Variants in UBAP2 observed in about 807,000 individuals in gnomAD.
The protein encoded by UBAP2 is ubiquitin associated protein 2, also known as ubiquitin-associated protein 2.
Under a neutral mutation model 139.6 loss-of-function variants are expected in UBAP2, and 75 were observed. The ratio of observed to expected loss-of-function variants is 0.54; its 90% CI spans 0.45 to 0.65. The LOEUF is 0.65. Among genes scored for constraint, UBAP2 ranks in the 30% least tolerant of loss-of-function variants. UBAP2 has a pLI of 0.00. For synonymous variants in UBAP2, 526 were observed against 526.2 expected, an observed-to-expected ratio of 1.00 and a Z score of 0.01; for missense variants, 1,368 against 1,369.6, an observed-to-expected ratio of 1.00 and a Z score of 0.02.
intron 4 of UBAP2, among the ~76,000 whole-genome samples, chr9:33,992,739 T>A (rs1329189184): frequency 1.3e-5 from 2 of 152,090 alleles, no homozygotes; most frequent in East Asian, 3.8e-4. Context: ...AAGATTACTG[T>A]GTATTTTGCT....
intron 1 of UBAP2, among the ~76,000 whole-genome samples, chr9:34,025,344 T>C (rs935567232): frequency 6.6e-6 from 1 of 152,172 alleles, no homozygotes; most frequent in African/African-American, 2.4e-5. Flanking sequence ...ATTCTCAGAA[T>C]AGAAACAGAC....
rs998264566 is a variant in UBAP2 at position 33,990,742 on chromosome 9, A to G, written c.289-1616T>C. Among the ~76,000 whole-genome samples, 3 of 150,836 alleles carry G rather than the reference A, an allele frequency of 2.0e-5. No individual in the cohort carries two copies. In the Admixed American group the frequency reaches 2.0e-4, roughly 10 times the overall value. On this transcript the variant is annotated intron_variant, in intron 4 of 28. Transcript: ENST00000379238. ...CCTGCATCTCCTGGGTTCAAGTGAT[A>G]ACTCCTGTCTCAGCCTCCCGAGTAG...
intron 4 of UBAP2, among the ~76,000 whole-genome samples, chr9:33,991,765 C>T (rs1821729654): frequency 6.6e-6 from 1 of 152,096 alleles, no homozygotes; most frequent in Non-Finnish European, 1.5e-5. Flanking sequence ...AAACAGAATC[C>T]AGTCCTCTTA....
At chr9:34,016,897 T>C (rs928425198) in intron 2 of UBAP2, among the ~76,000 whole-genome samples, 153 bp downstream of exon 2, 1 of 151,934 alleles carries the variant, frequency 6.6e-6, no homozygotes, top group Non-Finnish European at 1.5e-5. Context: ...AATCCTAAAG[T>C]TTCCTACAAA....
chr9:34,049,020 T>C (rs1029411330), upstream of UBAP2: 1 of 152,242 alleles, frequency 6.6e-6, no homozygotes, highest in Non-Finnish European at 1.5e-5. Flanking sequence ...GCGCGGCCTC[T>C]TCCAGCCACC....
At position 33,933,646 on chromosome 9, in the gene UBAP2, G is replaced by C. The variant is rs375638621; in HGVS notation, c.1970-18C>G. The stretch of plus-strand genomic sequence containing the variant: ...CTTTGGAGCTGGAACAGATGAAGTA[G>C]CTGTAAGAAGCAGATCTGTTTATTT... On this transcript the variant is annotated intron_variant, in intron 17 of 28. Coordinates refer to ENST00000379238, the MANE Select transcript of UBAP2 (RefSeq NM_001370062.2). The C allele has an allele frequency of 1.9e-5, 30 of 1,612,746 alleles. No individual in the cohort carries two copies. Among genetic ancestry groups the C allele is most frequent in the African/African-American group, 6.7e-5 (5 of 74,838 alleles).
chr9:34,044,602 C>T (rs149655708), intron 1 of UBAP2, among the ~76,000 whole-genome samples: 19 of 152,112 alleles, frequency 1.2e-4, no homozygotes, highest in African/African-American at 3.9e-4. Flanking sequence ...TGGTGGCTCA[C>T]GCAAGTAATC....
chr9:33,965,992 G>A (rs891282514), intron 8 of UBAP2, among the ~76,000 whole-genome samples: 1 of 151,060 alleles, frequency 6.6e-6, no homozygotes, highest in East Asian at 2.0e-4. Flanking sequence ...AGAGCCTGCA[G>A]TGAGCAGAGA....
intron 16 of UBAP2, among the ~76,000 whole-genome samples, chr9:33,940,164 G>C (rs146790633): frequency 6.6e-6 from 1 of 152,210 alleles, no homozygotes; most frequent in African/African-American, 2.4e-5. Flanking sequence ...ATGCATGCAG[G>C]CAGATTTAAT....
At position 33,923,148 on chromosome 9, in the gene UBAP2, C is replaced by T. The variant is rs770951441; in HGVS notation, c.3004+38G>A. 3.7e-6 allele frequency: 6 copies of T among 1,611,076 alleles called. No individual in the cohort carries two copies. In the African/African-American group the frequency reaches 8.0e-5, roughly 22 times the overall value. On this transcript the variant is annotated intron_variant, in intron 26 of 28. Coordinates refer to ENST00000379238, the MANE Select transcript of UBAP2 (RefSeq NM_001370062.2). ...GAGGGGATCAGGCAGGAGCCCACCA[C>T]TCCAGGCCTTATCCTGGAAAGGAGA... is the stretch of plus-strand genomic sequence containing the variant.
At chr9:34,003,508 C>T (rs1202517216) in intron 2 of UBAP2, among the ~76,000 whole-genome samples, 1 of 151,280 alleles carries the variant, frequency 6.6e-6, no homozygotes, top group Admixed American at 6.6e-5. Context: ...CAGGTTCAAG[C>T]GATTCTCCAG....
At chr9:33,940,008 AGAG>A (rs1166119998) in intron 16 of UBAP2, among the ~76,000 whole-genome samples, 4 of 82,846 alleles carry the variant, frequency 4.8e-5, no homozygotes, top group African/African-American at 2.0e-4. Context: ...AGGAGGGGAA[AGAG>A]GAGGGGGAGG....
intron 12 of UBAP2, 42 bp downstream of exon 12, chr9:33,953,243 G>T (rs761325713): frequency 8.4e-6 from 13 of 1,540,784 alleles, no homozygotes; most frequent in Non-Finnish European, 9.8e-6. Context: ...TTGCTAATGG[G>T]TATATTTCTT....
At chr9:33,992,934 G>A (rs1440651969) in intron 4 of UBAP2, among the ~76,000 whole-genome samples, 2 of 152,232 alleles carry the variant, frequency 1.3e-5, no homozygotes, top group Non-Finnish European at 1.5e-5. Context: ...AGCAGTCTTC[G>A]AAGCCAGCTA....
rs143662986 is a variant in UBAP2 at position 33,951,100 on chromosome 9, G to A, written c.1056+2185C>T. On this transcript the variant is annotated intron_variant, in intron 12 of 28. Coordinates refer to ENST00000379238, the MANE Select transcript of UBAP2 (RefSeq NM_001370062.2). ...CTGGAGGGCCACAGAACAACCTCCTGGGCTCAAGTGATCCTCCCATGCCAG... is the reference window on the plus strand; with the variant it reads ...CTGGAGGGCCACAGAACAACCTCCTAGGCTCAAGTGATCCTCCCATGCCAG... Among the ~76,000 whole-genome samples the A allele has an allele frequency of 2.1e-3, 322 of 152,058 alleles. 1 individual carries two copies. Among genetic ancestry groups the A allele is most frequent in the Non-Finnish European group, 3.8e-3 (257 of 67,978 alleles).
At chr9:34,043,735 C>T (rs939240858) in intron 1 of UBAP2, among the ~76,000 whole-genome samples, 2 of 151,876 alleles carry the variant, frequency 1.3e-5, no homozygotes, top group African/African-American at 2.4e-5. Context: ...CTCAAGAAAT[C>T]CTTCCACCTC....
intron 1 of UBAP2, among the ~76,000 whole-genome samples, chr9:34,028,773 T>C (rs1325194279): frequency 6.6e-6 from 1 of 151,362 alleles, no homozygotes; most frequent in Non-Finnish European, 1.5e-5. Context: ...TCTTCACCAC[T>C]ACTTATAACA....
intron 2 of UBAP2, among the ~76,000 whole-genome samples, chr9:33,999,066 C>T (rs1397612549): frequency 1.3e-5 from 2 of 152,134 alleles, no homozygotes; most frequent in African/African-American, 2.4e-5. Flanking sequence ...CATAAAGGAC[C>T]CATTCCTTTG....
At chr9:34,019,711 A>ACG (rs1401999405) in intron 1 of UBAP2, among the ~76,000 whole-genome samples, 1 of 150,796 alleles carries the variant, frequency 6.6e-6, no homozygotes, top group Non-Finnish European at 1.5e-5. Flanking sequence ...ACACACACAC[A>ACG]CACACACACA....
Sources: gnomAD v4.1 joint callset for allele counts (sites outside exome capture counted in the v4.1 genomes callset) on GRCh38, gnomAD v4.1.1 for gene constraint, MANE v1.5 for transcripts, NCBI Gene and HGNC (gene_info 2026-07-23, HGNC 2026-07-21) for gene names.